The following ASTN2 variants were observed in gnomAD, a reference collection of about 807,000 sequenced individuals.
ASTN2 encodes astrotactin-2.
A neutral mutation model predicts 139.8 loss-of-function variants in ASTN2; 54 were observed. That is an observed-to-expected ratio of 0.39 (90% CI 0.31 to 0.48). The LOEUF (loss-of-function observed/expected upper bound fraction) is 0.48, where lower values mean the gene tolerates loss of function less well. Ranked by LOEUF, ASTN2 falls within the 20% of genes least tolerant of loss-of-function variation. The probability of loss-of-function intolerance (pLI) is 0.95; values close to 1 mark genes in which losing one functional copy is unlikely to be tolerated. For missense variants in ASTN2, 1,565 were observed against 1,725.1 expected, an observed-to-expected ratio of 0.91 and a Z score of 1.64; for synonymous variants, 756 against 719.5, an observed-to-expected ratio of 1.05 and a Z score of -0.81.
chr9:117,127,316 G>C (rs2132827886), intron 4 of ASTN2, among the ~76,000 whole-genome samples: 1 of 152,346 alleles, frequency 6.6e-6, no homozygotes, highest in Non-Finnish European at 1.5e-5. Flanking sequence ...GAGCTCACCA[G>C]CGTTTCTCGG....
At chr9:116,723,217 A>G (rs1828522859) in intron 16 of ASTN2, among the ~76,000 whole-genome samples, 1 of 152,108 alleles carries the variant, frequency 6.6e-6, no homozygotes, top group Non-Finnish European at 1.5e-5. Context: ...TGGAGCTGGG[A>G]CTAGAATCCT....
At chr9:117,361,564 A>C (rs745617661) in intron 1 of ASTN2, among the ~76,000 whole-genome samples, 21 of 152,322 alleles carry the variant, frequency 1.4e-4, no homozygotes, top group Admixed American at 7.2e-4. Context: ...AATGAAAAGC[A>C]GGCAAACTAA....
intron 11 of ASTN2, among the ~76,000 whole-genome samples, chr9:116,825,409 A>G (rs943305): frequency 0.79 from 120,805 of 152,180 alleles, 48,145 homozygotes; most frequent in East Asian, 0.91. Context: ...ATAAACAAGT[A>G]ATAAATTAAC....
At chr9:116,849,835 TGTGA>T (rs1832545070) in intron 11 of ASTN2, among the ~76,000 whole-genome samples, 1 of 152,202 alleles carries the variant, frequency 6.6e-6, no homozygotes, top group South Asian at 2.1e-4. Context: ...TCACTCAGAC[TGTGA>T]GTGAGAAAGA....
At chr9:116,812,745 G>A (rs1267838102) in intron 12 of ASTN2, among the ~76,000 whole-genome samples, 2 of 152,052 alleles carry the variant, frequency 1.3e-5, no homozygotes, top group African/African-American at 4.8e-5. Context: ...TAGTGGTGCT[G>A]GGAATCAAAA....
intron 1 of ASTN2, among the ~76,000 whole-genome samples, chr9:117,413,759 G>A (rs960231484): frequency 3.3e-5 from 5 of 152,162 alleles, no homozygotes; most frequent in African/African-American, 1.2e-4. Context: ...AGCCCAGGGA[G>A]TGAGCTGCAA....
chr9:117,117,307 C>A (rs34364310), intron 4 of ASTN2, among the ~76,000 whole-genome samples: 54,760 of 148,966 alleles, frequency 0.37, 10,533 homozygotes, highest in Non-Finnish European at 0.43. Flanking sequence ...TTTTTCTTTT[C>A]TTTCTTGGAC....
At chr9:116,911,921 C>A (rs1020855806) in intron 10 of ASTN2, among the ~76,000 whole-genome samples, 1 of 151,910 alleles carries the variant, frequency 6.6e-6, no homozygotes, top group Non-Finnish European at 1.5e-5. Context: ...ACAAACAAAA[C>A]CTCTGTGTAT....
chr9:116,824,383 G>GTCTC lies in ASTN2; in HGVS notation c.2041-3604_2041-3601dup, dbSNP rs200823516. Among the ~76,000 whole-genome samples, 4 of 56,490 alleles carry GTCTC rather than the reference G, an allele frequency of 7.1e-5. No homozygotes were observed. The East Asian group carries it at 4.6e-3, about 66-fold the overall frequency. 37.1% of individuals were successfully genotyped at this position (56,490 alleles called of 152,430 possible). A position where few individuals can be genotyped will look rare whatever the true frequency, so the allele number is the denominator to read the frequency against. ...GAGAGATCTTTCTCTCCCTCTGTCT[G>GTCTC]TCTCTCTCTCTCTCATCACTTGCTC... On this transcript the variant is annotated intron_variant, in intron 11 of 22. Coordinates refer to ENST00000313400, the MANE Select transcript of ASTN2 (RefSeq NM_001365068.1).
At chr9:116,882,854 C>T (rs2132372873) in intron 10 of ASTN2, among the ~76,000 whole-genome samples, 1 of 151,556 alleles carries the variant, frequency 6.6e-6, no homozygotes. Context: ...TATTCATTTT[C>T]ATCAATCAAG....
At chr9:117,004,195 C>G (rs1837290742) in intron 7 of ASTN2, among the ~76,000 whole-genome samples, 1 of 152,104 alleles carries the variant, frequency 6.6e-6, no homozygotes, top group African/African-American at 2.4e-5. Context: ...TCATGGCTAA[C>G]TGTAGCCTCG....
At chr9:117,237,323 T>C (rs1833075096) in intron 2 of ASTN2, among the ~76,000 whole-genome samples, 1 of 152,130 alleles carries the variant, frequency 6.6e-6, no homozygotes, top group Non-Finnish European at 1.5e-5. Context: ...CAGGTCTGAG[T>C]TCTTGCCCTC....
Position 117,038,155 on chromosome 9 carries a change from G to C in ASTN2, c.1423+1664C>G, listed in dbSNP as rs147182384. Among the ~76,000 whole-genome samples, 441 of 152,258 alleles carry C rather than the reference G, an allele frequency of 2.9e-3. 2 individuals carry two copies. Among genetic ancestry groups the C allele is most frequent in the African/African-American group, 0.01 (428 of 41,552 alleles). On this transcript the variant is annotated intron_variant, in intron 6 of 22. Coordinates refer to ENST00000313400, the MANE Select transcript of ASTN2 (RefSeq NM_001365068.1). Reference sequence around the variant, plus strand: ...AGAAGTTTGAGTGTTTCAGAGAATGGTGGTAAAATTCCACTTTTCTCTGGT... The same window carrying C: ...AGAAGTTTGAGTGTTTCAGAGAATGCTGGTAAAATTCCACTTTTCTCTGGT...
chr9:116,954,841 C>A (rs530690553), intron 10 of ASTN2, among the ~76,000 whole-genome samples: 1 of 152,258 alleles, frequency 6.6e-6, no homozygotes, highest in African/African-American at 2.4e-5. Context: ...CATGAGCATC[C>A]CTTAGGAACT....
At chr9:116,771,962 T>G (rs1249545888) in intron 13 of ASTN2, among the ~76,000 whole-genome samples, 2 of 152,226 alleles carry the variant, frequency 1.3e-5, no homozygotes, top group African/African-American at 2.4e-5. Flanking sequence ...AAACAACCTT[T>G]CTTGCTGTTT....
intron 1 of ASTN2, among the ~76,000 whole-genome samples, chr9:117,300,070 C>T (rs550558026): frequency 6.6e-6 from 1 of 152,300 alleles, no homozygotes; most frequent in South Asian, 2.1e-4. Context: ...CAAAGTTTTA[C>T]AGTTAGTACT....
At chr9:116,856,061 C>T (rs539528417) in intron 11 of ASTN2, among the ~76,000 whole-genome samples, 64 of 152,216 alleles carry the variant, frequency 4.2e-4, no homozygotes, top group Non-Finnish European at 6.6e-4. Context: ...ACCATGGGGG[C>T]GATATGTCAT....
chr9:116,988,539 G>A (rs756070858), intron 7 of ASTN2, among the ~76,000 whole-genome samples: 8 of 152,076 alleles, frequency 5.3e-5, no homozygotes, highest in Non-Finnish European at 7.4e-5. Flanking sequence ...CCTGTGAAGC[G>A]GGTGCTCATG....
At chr9:117,050,837 A>T (rs12554135) in intron 5 of ASTN2, among the ~76,000 whole-genome samples, 20,098 of 152,070 alleles carry the variant, frequency 0.13, 1,691 homozygotes, top group East Asian at 0.42. Context: ...AACAATAGAA[A>T]TGAGGCTTTT....
Sources: allele counts gnomAD v4.1 joint callset (sites outside exome capture counted in the v4.1 genomes callset), GRCh38; gene constraint gnomAD v4.1.1; transcripts MANE v1.5; gene names NCBI Gene and HGNC (gene_info 2026-07-23, HGNC 2026-07-21).